ABHD12: variants seen among roughly 807,000 people sequenced by gnomAD.
ABHD12 encodes the protein lysophosphatidylserine lipase ABHD12.
In ABHD12, 43 loss-of-function variants were observed where a neutral mutation model predicts 58.3. That is an observed-to-expected ratio of 0.74 (90% CI 0.58 to 0.95). The LOEUF (loss-of-function observed/expected upper bound fraction) is 0.95, where lower values mean the gene tolerates loss of function less well. Ranked by LOEUF, ABHD12 falls within the 40% of genes least tolerant of loss-of-function variation. The pLI, the probability that ABHD12 is intolerant of heterozygous loss-of-function variation, is 0.00. For synonymous variants in ABHD12, 219 were observed against 211.2 expected (o/e 1.04, Z -0.32); for missense variants, 539 against 537.2 (o/e 1.00, Z -0.03).
chr20:25,337,222 T>C (rs1320196218), intron 2 of ABHD12, among the ~76,000 whole-genome samples: 3 of 152,160 alleles, frequency 2.0e-5, no homozygotes, highest in East Asian at 1.9e-4. Context: ...GCCGTGATCA[T>C]ACCCCTGCAG....
chr20:25,316,408 C>T (rs565008577), intron 5 of ABHD12, among the ~76,000 whole-genome samples: 2 of 152,312 alleles, frequency 1.3e-5, no homozygotes, highest in East Asian at 3.9e-4. Context: ...ATCCACCCAT[C>T]TTGGCCTCCC....
chr20:25,390,569 C>G lies in ABHD12; in HGVS notation c.135G>C (p.Pro45=), dbSNP rs752337672. 1.9e-5 allele frequency: 28 copies of G among 1,478,948 alleles called. No individual in the cohort carries two copies. In the Middle Eastern group the frequency reaches 8.8e-4, roughly 46 times the overall value. The allele number at this position is 1,478,948 out of a possible 1,614,324, so 91.6% of individuals were successfully genotyped here. The change falls in exon 1 of 13, where the codon CCG becomes CCC. Residue 45 remains proline, a synonymous_variant. Coordinates refer to ENST00000339157, the MANE Select transcript of ABHD12 (RefSeq NM_001042472.3). ...RLKQNLRLTG[P]AAAEPRCAAD... is the part of the protein sequence containing the mutation. ...CTGCGCAGCGCGGCTCAGCCGCCGC[C>G]GGGCCCGTCAGGCGTAGGTTCTGCT...
At chr20:25,382,367 T>A (rs2090032297) in intron 1 of ABHD12, among the ~76,000 whole-genome samples, 1 of 152,070 alleles carries the variant, frequency 6.6e-6, no homozygotes, top group Admixed American at 6.5e-5. Context: ...CCCACTCTCA[T>A]GCTGAAAGGG....
At chr20:25,296,548 C>G (rs200991582), downstream of ABHD12, 3 of 1,590,976 alleles carry the variant, frequency 1.9e-6, no homozygotes, top group Non-Finnish European at 1.7e-6. Context: ...GCGGGACCAG[C>G]GGGCATTTGT....
rs1350330405 is a variant in ABHD12, at chr20:25,332,673, C to T, written c.316+6554G>A. Reference sequence around the variant, plus strand: ...AAACTCACTCAAAACAGCTCAACTACATGGAAACTGAACAACCTGCTCCTG... The same window carrying T: ...AAACTCACTCAAAACAGCTCAACTATATGGAAACTGAACAACCTGCTCCTG... On this transcript the variant is annotated intron_variant, in intron 2 of 12. Coordinates refer to ENST00000339157, the MANE Select transcript of ABHD12 (RefSeq NM_001042472.3). Among the ~76,000 whole-genome samples, 3 of 150,256 alleles carry T rather than the reference C, an allele frequency of 2.0e-5. No homozygotes were observed. In the East Asian group the frequency reaches 5.8e-4, roughly 29 times the overall value.
intron 6 of ABHD12, among the ~76,000 whole-genome samples, chr20:25,313,578 A>AAAAATAAAATAAAATAAAAT (rs56792874): frequency 0.015 from 1,972 of 131,626 alleles, 48 homozygotes; most frequent in African/African-American, 0.037. Flanking sequence ...AATGATCAAT[A>AAAAATAAAATAAAATAAAAT]AAAATAAAAT....
downstream of ABHD12, chr20:25,300,073 TG>T (rs1384582157): frequency 1.5e-5 from 8 of 542,364 alleles, no homozygotes; most frequent in Middle Eastern, 9.3e-4. Flanking sequence ...GGCAAATTTC[TG>T]AGCTGCTGGG....
At chr20:25,339,390 G>A (rs770377992) in intron 1 of ABHD12, 39 bp from the exon 2 acceptor site, 5 of 1,613,750 alleles carry the variant, frequency 3.1e-6, no homozygotes, top group Non-Finnish European at 4.2e-6. Flanking sequence ...GAAGGCAGTA[G>A]GTGCCATTTT....
chr20:25,315,758 C>T (rs1165507713), intron 5 of ABHD12, among the ~76,000 whole-genome samples: 3 of 152,190 alleles, frequency 2.0e-5, no homozygotes, highest in Non-Finnish European at 4.4e-5. Flanking sequence ...CAAACTCTCC[C>T]CACCTTTCCT....
chr20:25,368,117 T>C (rs2089848782), intron 1 of ABHD12, among the ~76,000 whole-genome samples: 1 of 152,184 alleles, frequency 6.6e-6, no homozygotes, highest in Admixed American at 6.5e-5. Flanking sequence ...GCAATCCAGC[T>C]AGGCACGGAA....
exon 13 of ABHD12, chr20:25,294,945 C>A (rs1024517675): frequency 6.2e-7 from 1 of 1,613,756 alleles, no homozygotes; most frequent in South Asian, 1.1e-5. Context: ...TGCTGCTCTT[C>A]GATGACCGTG....
chr20:25,329,547 TGAA>T (rs2089233416), intron 2 of ABHD12, among the ~76,000 whole-genome samples: 1 of 151,840 alleles, frequency 6.6e-6, no homozygotes, highest in Non-Finnish European at 1.5e-5. Context: ...CCGTGGAGGG[TGAA>T]GAAGTGAGAA....
At chr20:25,339,966 A>T (rs2500440) in intron 1 of ABHD12, among the ~76,000 whole-genome samples, 3,777 of 152,292 alleles carry the variant, frequency 0.025, 143 homozygotes, top group African/African-American at 0.083. Flanking sequence ...CCAGGGTCTC[A>T]TGACCCTCTT....
At position 25,390,524 on chromosome 20, in the gene ABHD12, C is replaced by T; in HGVS notation, c.180G>A (p.Arg60=). The T allele has an allele frequency of 2.0e-6, 3 of 1,466,478 alleles. No individual in the cohort carries two copies. Among genetic ancestry groups the T allele is most frequent in the Non-Finnish European group, 1.8e-6 (2 of 1,115,486 alleles). The allele number at this position is 1,466,478 out of a possible 1,614,324, so 90.8% of individuals were successfully genotyped here. ...PRCAADAGMK[R]ALGRRKGVWL... Reference sequence around the variant, plus strand: ...GCGCGAAGCCTCACCTGCCCAGCGCCCGCTTCATTCCCGCGTCGGCTGCGC... The same window carrying T: ...GCGCGAAGCCTCACCTGCCCAGCGCTCGCTTCATTCCCGCGTCGGCTGCGC... Residue 60 remains arginine, a synonymous_variant, in exon 1 of 13, where the codon CGG becomes CGA. Transcript: ENST00000339157.
chr20:25,345,921 C>G (rs2089512086), intron 1 of ABHD12, among the ~76,000 whole-genome samples: 1 of 152,158 alleles, frequency 6.6e-6, no homozygotes, highest in Non-Finnish European at 1.5e-5. Flanking sequence ...TATGATCCAG[C>G]AGTCAGGCTC....
chr20:25,356,911 G>A (rs2089676387), intron 1 of ABHD12, among the ~76,000 whole-genome samples: 1 of 152,080 alleles, frequency 6.6e-6, no homozygotes, highest in South Asian at 2.1e-4. Context: ...CAAAGTAGGA[G>A]AACTACCTGG....
intron 2 of ABHD12, among the ~76,000 whole-genome samples, chr20:25,338,385 C>A (rs760377781): frequency 3.9e-5 from 6 of 152,214 alleles, no homozygotes; most frequent in Non-Finnish European, 7.3e-5. Flanking sequence ...ATGCTGTCAG[C>A]ACCTGCCTCT....
intron 8 of ABHD12, 111 bp from the exon 9 acceptor site, chr20:25,308,156 C>T (rs1228146575): frequency 1.2e-6 from 1 of 829,472 alleles, no homozygotes; most frequent in Non-Finnish European, 2.1e-6. Context: ...CAGCGCCTCC[C>T]ACCAGGCAAC....
At chr20:25,385,291 CA>C (rs1326641579) in intron 1 of ABHD12, among the ~76,000 whole-genome samples, 1 of 117,734 alleles carries the variant, frequency 8.5e-6, no homozygotes, top group Non-Finnish European at 1.6e-5. Flanking sequence ...GAGCCAAGAT[CA>C]TGCCATTGCA....
Sources: gnomAD v4.1 joint callset for allele counts (sites outside exome capture counted in the v4.1 genomes callset) on GRCh38, gnomAD v4.1.1 for gene constraint, MANE v1.5 for transcripts, NCBI Gene and HGNC (gene_info 2026-07-23, HGNC 2026-07-21) for gene names.